The following GRM8 variants were observed in gnomAD, a reference collection of about 807,000 sequenced individuals.
GRM8 encodes the protein glutamate metabotropic receptor 8.
Under a neutral mutation model 87.2 loss-of-function variants are expected in GRM8, and 47 were observed. That is an observed-to-expected ratio of 0.54 (90% CI 0.43 to 0.69). The LOEUF (loss-of-function observed/expected upper bound fraction) is 0.69. Among genes scored for constraint, GRM8 ranks in the 30% least tolerant of loss-of-function variants. GRM8 has a pLI of 0.00. For missense variants in GRM8, 1,019 were observed against 1,139.2 expected (o/e 0.89, Z 1.52); for synonymous variants, 396 against 404.5 (o/e 0.98, Z 0.25).
chr7:126,929,296 G>A (rs146134182), intron 3 of GRM8, among the ~76,000 whole-genome samples: 1 of 152,332 alleles, frequency 6.6e-6, no homozygotes, highest in East Asian at 1.9e-4. Context: ...GCTAGCCAGT[G>A]GAACTTTCTG....
rs554595023 is a variant in GRM8, at chr7:127,061,176, T to C, written c.727+45320A>G. Among the ~76,000 whole-genome samples, 10 of 152,348 alleles carry C rather than the reference T, an allele frequency of 6.6e-5. No individual in the cohort carries two copies. The South Asian group carries it at 2.1e-3, about 32-fold the overall frequency. On this transcript the variant is annotated intron_variant, in intron 3 of 10. Transcript: ENST00000339582. Reference sequence around the variant, plus strand: ...ATATCCACAGAGAGACATTAAACTTTATTTACTTACATGAATAATTTTCTT... The same window carrying C: ...ATATCCACAGAGAGACATTAAACTTCATTTACTTACATGAATAATTTTCTT...
intron 9 of GRM8, among the ~76,000 whole-genome samples, chr7:126,461,085 C>G (rs1297335084): frequency 6.6e-6 from 1 of 151,246 alleles, no homozygotes; most frequent in Non-Finnish European, 1.5e-5. Flanking sequence ...CTATTTTGCC[C>G]CCACCCAGAT....
At chr7:126,506,983 T>A (rs1810572608) in intron 9 of GRM8, among the ~76,000 whole-genome samples, 1 of 152,008 alleles carries the variant, frequency 6.6e-6, no homozygotes, top group East Asian at 1.9e-4. Flanking sequence ...ACAAAATATG[T>A]CACAGATATG....
At chr7:127,086,302 A>G (rs1349535253) in intron 3 of GRM8, among the ~76,000 whole-genome samples, 1 of 152,120 alleles carries the variant, frequency 6.6e-6, no homozygotes, top group Non-Finnish European at 1.5e-5. Context: ...AGGTTTCACC[A>G]TATTAGCCAG....
intron 9 of GRM8, among the ~76,000 whole-genome samples, chr7:126,485,458 C>T (rs1312957364): frequency 2.0e-5 from 3 of 151,866 alleles, no homozygotes; most frequent in African/African-American, 2.4e-5. Flanking sequence ...GGTGTGTCCT[C>T]GATCCCCATA....
intron 7 of GRM8, among the ~76,000 whole-genome samples, chr7:126,734,100 C>A (rs1813919028): frequency 6.6e-6 from 1 of 151,896 alleles, no homozygotes; most frequent in Non-Finnish European, 1.5e-5. Context: ...AATATCAAAT[C>A]TCCATAAACT....
chr7:127,232,183 T>G (rs980938988), intron 2 of GRM8, among the ~76,000 whole-genome samples: 13 of 129,840 alleles, frequency 1.0e-4, no homozygotes, highest in African/African-American at 3.7e-4. Context: ...TGTTTCTTCT[T>G]TGTGTGTGTG....
chr7:126,717,601 C>T (rs1811897482), intron 7 of GRM8, among the ~76,000 whole-genome samples: 1 of 152,130 alleles, frequency 6.6e-6, no homozygotes, highest in Non-Finnish European at 1.5e-5. Flanking sequence ...AATAAGTAGA[C>T]TTTGTAGTGT....
At chr7:127,237,775 G>A (rs968611825) in intron 2 of GRM8, among the ~76,000 whole-genome samples, 8 of 152,202 alleles carry the variant, frequency 5.3e-5, no homozygotes, top group African/African-American at 1.9e-4. Flanking sequence ...ACAAAAGAGA[G>A]AGGAATTATA....
At chr7:126,482,628 A>G (rs1806826644) in intron 9 of GRM8, among the ~76,000 whole-genome samples, 1 of 151,984 alleles carries the variant, frequency 6.6e-6, no homozygotes, top group South Asian at 2.1e-4. Context: ...TGGTAGATCC[A>G]GGGTCTGGGG....
chr7:127,243,957 CT>C (rs538634252), intron 1 of GRM8, among the ~76,000 whole-genome samples: 224 of 149,306 alleles, frequency 1.5e-3, no homozygotes, highest in Middle Eastern at 6.9e-3. Flanking sequence ...CTGTTAATGA[CT>C]TTTTTTTTAG....
intron 7 of GRM8, among the ~76,000 whole-genome samples, chr7:126,711,384 T>C (rs1249710020): frequency 6.6e-6 from 1 of 152,176 alleles, no homozygotes; most frequent in African/African-American, 2.4e-5. Flanking sequence ...TTCTGAGCAG[T>C]AGGTCTCAAC....
intron 2 of GRM8, among the ~76,000 whole-genome samples, chr7:127,127,445 A>T (rs1388348976): frequency 6.6e-6 from 1 of 152,096 alleles, no homozygotes; most frequent in East Asian, 1.9e-4. Context: ...AATAAAATAC[A>T]ACTTGGCAAT....
At chr7:126,579,417 G>T (rs570699274) in intron 8 of GRM8, among the ~76,000 whole-genome samples, 3 of 152,156 alleles carry the variant, frequency 2.0e-5, no homozygotes, top group African/African-American at 7.2e-5. Context: ...TATAAACTAA[G>T]AATCTCTATA....
intron 6 of GRM8, among the ~76,000 whole-genome samples, chr7:126,812,860 G>T (rs1010318518): frequency 6.6e-6 from 1 of 152,042 alleles, no homozygotes; most frequent in African/African-American, 2.4e-5. Flanking sequence ...AACCAAGGAG[G>T]TTTCTCATCT....
At position 126,826,979 on chromosome 7, in the gene GRM8, C is replaced by G. The variant is rs534353121; in HGVS notation, c.1157-56914G>C. 1.8e-4 allele frequency among the ~76,000 whole-genome samples: 28 copies of G among 152,084 alleles called. 1 individual carries two copies. The highest frequency in any genetic ancestry group is 1.6e-3 in the Admixed American group (24 of 15,260). ...CCGTTTATTAAATAGGGAATCCTTT[C>G]CCCCATTGCTTGTTTTTCTCAGGTT... On this transcript the variant is annotated intron_variant, in intron 6 of 10. Transcript: ENST00000339582.
At chr7:127,086,054 A>G (rs890471971) in intron 3 of GRM8, among the ~76,000 whole-genome samples, 2 of 152,236 alleles carry the variant, frequency 1.3e-5, no homozygotes, top group African/African-American at 4.8e-5. Flanking sequence ...GGAAGAAAAC[A>G]AAGGCATTCA....
chr7:126,830,720 G>A (rs202187690), intron 6 of GRM8, among the ~76,000 whole-genome samples: 12 of 152,186 alleles, frequency 7.9e-5, no homozygotes, highest in African/African-American at 1.2e-4. Flanking sequence ...GTCATTCTCC[G>A]TCCAGCTTTG....
At chr7:127,225,765 T>G (rs1383015451) in intron 2 of GRM8, among the ~76,000 whole-genome samples, 1 of 151,138 alleles carries the variant, frequency 6.6e-6, no homozygotes, top group Non-Finnish European at 1.5e-5. Flanking sequence ...AGATACTAAG[T>G]TCCAGAGAAC....
Sources: allele counts gnomAD v4.1 joint callset (sites outside exome capture counted in the v4.1 genomes callset), GRCh38; gene constraint gnomAD v4.1.1; transcripts MANE v1.5; gene names NCBI Gene and HGNC (gene_info 2026-07-23, HGNC 2026-07-21).